The following ABCE1 variants were observed in gnomAD, a reference collection of about 807,000 sequenced individuals.
The protein encoded by ABCE1 is ATP binding cassette subfamily E member 1.
Under a neutral mutation model 83.4 loss-of-function variants are expected in ABCE1, and 22 were observed. The ratio of observed to expected loss-of-function variants is 0.26; its 90% CI spans 0.19 to 0.38. ABCE1 has a LOEUF of 0.38. ABCE1 is among the 10% of genes least tolerant of loss of function. ABCE1 has a pLI of 1.00. For synonymous variants in ABCE1, 204 were observed against 233.7 expected (o/e 0.87, Z 1.16); for missense variants, 330 against 721.9 (o/e 0.46, Z 6.22).
rs1579226747 is a variant in ABCE1 at position 145,127,686 on chromosome 4, G to A, written c.*113G>A. On this transcript the variant is annotated 3_prime_UTR_variant, in exon 18 of 18. Coordinates refer to ENST00000296577, the MANE Select transcript of ABCE1 (RefSeq NM_002940.3). ...TGCCCCACATACTCTGGAACTTGAA[G>A]TATAATATACTTAATATAACATAAA... 2 of 756,838 alleles carry A rather than the reference G, an allele frequency of 2.6e-6. No individual in the cohort carries two copies. Among genetic ancestry groups the A allele is most frequent in the Non-Finnish European group, 2.0e-6 (1 of 493,456 alleles). 46.9% of individuals were successfully genotyped at this position (756,838 alleles called of 1,614,324 possible). A position where few individuals can be genotyped will look rare whatever the true frequency, so the allele number is the denominator to read the frequency against.
At chr4:145,123,647 C>A in intron 16 of ABCE1, 47 bp downstream of exon 16, 9 of 1,507,692 alleles carry the variant, frequency 6.0e-6, no homozygotes, top group South Asian at 2.5e-5. Flanking sequence ...TTTAAATTTT[C>A]CAGTAAATAG....
intron 10 of ABCE1, among the ~76,000 whole-genome samples, chr4:145,117,824 A>G (rs1422608835): frequency 2.0e-5 from 3 of 151,824 alleles, no homozygotes; most frequent in Admixed American, 6.6e-5. Flanking sequence ...TAATATGTAT[A>G]CTATGTTTTT....
At chr4:145,119,146 G>C (rs1749677948) in intron 10 of ABCE1, among the ~76,000 whole-genome samples, 1 of 151,790 alleles carries the variant, frequency 6.6e-6, no homozygotes, top group African/African-American at 2.4e-5. Context: ...CTAGGATGAG[G>C]ATACAGGCTG....
At chr4:145,103,932 TTTTG>T (rs1475820370) in intron 1 of ABCE1, among the ~76,000 whole-genome samples, 1 of 152,046 alleles carries the variant, frequency 6.6e-6, no homozygotes, top group East Asian at 1.9e-4. Context: ...TCTGGGGTTC[TTTTG>T]TTTGTTTTTT....
chr4:145,104,993 T>G (rs940747747), intron 2 of ABCE1, among the ~76,000 whole-genome samples: 1 of 152,052 alleles, frequency 6.6e-6, no homozygotes, highest in Non-Finnish European at 1.5e-5. Context: ...GTTGAAAAAT[T>G]ATTGGTAGTC....
intron 1 of ABCE1, among the ~76,000 whole-genome samples, chr4:145,099,165 G>T (rs1251522399): frequency 2.0e-5 from 3 of 152,054 alleles, no homozygotes; most frequent in Non-Finnish European, 4.4e-5. Flanking sequence ...ATCTCTTCAG[G>T]GCTTCGTACA....
intron 10 of ABCE1, among the ~76,000 whole-genome samples, chr4:145,118,117 C>T (rs1296004383): frequency 6.6e-6 from 1 of 151,372 alleles, no homozygotes; most frequent in African/African-American, 2.4e-5. Flanking sequence ...TTTTTCTCTC[C>T]ACCTGTCTTA....
At chr4:145,121,254 T>G in intron 12 of ABCE1, 21 bp downstream of exon 12, 1 of 1,613,422 alleles carries the variant, frequency 6.2e-7, no homozygotes, top group South Asian at 1.1e-5. Flanking sequence ...AACTGTTGAG[T>G]CTTTTTACTC....
intron 2 of ABCE1, among the ~76,000 whole-genome samples, chr4:145,105,103 A>G (rs1349242092): frequency 6.6e-6 from 1 of 152,030 alleles, no homozygotes; most frequent in Non-Finnish European, 1.5e-5. Flanking sequence ...GTCATCTGTT[A>G]TTGTCTCCTT....
In ABCE1 at chr4:145,117,425, A is replaced by G. The variant is rs936579489; in HGVS notation, c.922+11A>G. 8 of 1,608,390 alleles carry G rather than the reference A, an allele frequency of 5.0e-6. No individual in the cohort carries two copies. In the African/African-American group the frequency reaches 1.1e-4, roughly 22 times the overall value. On this transcript the variant is annotated intron_variant, in intron 10 of 17. Coordinates refer to ENST00000296577, the MANE Select transcript of ABCE1 (RefSeq NM_002940.3). ...TTAGTGTAAGAGAAGGTAACTTGAA[A>G]AACTTTTTTCACATATGCTGTATTC...
chr4:145,114,584 A>C (rs959520865), intron 9 of ABCE1, among the ~76,000 whole-genome samples: 3 of 152,054 alleles, frequency 2.0e-5, no homozygotes, highest in Non-Finnish European at 4.4e-5. Flanking sequence ...ATAACGAATA[A>C]ATTTAAAATT....
chr4:145,099,710 A>G (rs1270211265), intron 1 of ABCE1, among the ~76,000 whole-genome samples: 2 of 152,236 alleles, frequency 1.3e-5, no homozygotes, highest in African/African-American at 4.8e-5. Flanking sequence ...ATAAACTACA[A>G]TAAGCATGGG....
Position 145,109,174 on chromosome 4 carries a change from A to T in ABCE1, c.330A>T (p.Gly110=), listed in dbSNP as rs139255095. The T allele has an allele frequency of 8.8e-4, 1,427 of 1,613,022 alleles. 9 individuals carry two copies. In the African/African-American group the frequency reaches 0.014, roughly 16 times the overall value. Residue 110 remains glycine (G), a synonymous_variant, in exon 5 of 18, where the codon GGA becomes GGT. Transcript: ENST00000296577. The part of the protein sequence containing the change: ...PRPGEVLGLV[G]TNGIGKSTAL... Reference sequence around the variant, plus strand: ...CAGGTGAAGTTTTGGGATTAGTTGGAACTAATGGTATTGGAAAGTCAACTG... The same window carrying T: ...CAGGTGAAGTTTTGGGATTAGTTGGTACTAATGGTATTGGAAAGTCAACTG...
chr4:145,115,012 G>A (rs1029754005), intron 9 of ABCE1, among the ~76,000 whole-genome samples: 56 of 152,064 alleles, frequency 3.7e-4, no homozygotes, highest in African/African-American at 1.2e-3. Context: ...CAAAAGAATA[G>A]AGATTTAAGA....
At position 145,104,503 on chromosome 4, in the gene ABCE1, G is replaced by A; in HGVS notation, c.91G>A (p.Val31Ile). The change falls in exon 2 of 18, where the codon GTA becomes ATA. Residue 31 changes from valine (V) to isoleucine (I), a missense_variant. By Grantham distance (29) the Val-to-Ile change is conservative (BLOSUM62 3). Coordinates refer to ENST00000296577, the MANE Select transcript of ABCE1 (RefSeq NM_002940.3). ...CRQECKKSCP[V>I]VRMGKLCIEV... ...ACAGGAATGCAAAAAGAGTTGTCCT[G>A]TAGTTCGAATGGGTAAGCTGTTCTG... is the stretch of plus-strand genomic sequence containing the variant. The A allele has an allele frequency of 6.3e-7, 1 of 1,592,848 alleles. No homozygotes were observed. The highest frequency in any genetic ancestry group is 8.6e-7 in the Non-Finnish European group (1 of 1,169,434).
At chr4:145,112,530 G>A (rs1267508889) in intron 9 of ABCE1, among the ~76,000 whole-genome samples, 4 of 152,106 alleles carry the variant, frequency 2.6e-5, no homozygotes, top group African/African-American at 9.7e-5. Flanking sequence ...CGCTTCCAGG[G>A]AGCTTAGGAA....
chr4:145,120,912 A>G (rs1311898105), intron 11 of ABCE1: 1 of 382,664 alleles, frequency 2.6e-6, no homozygotes, highest in African/African-American at 2.0e-5. Flanking sequence ...AAACTATTGC[A>G]GGATTTAAAC....
chr4:145,099,202 A>G (rs1169816173), intron 1 of ABCE1, among the ~76,000 whole-genome samples: 2 of 152,230 alleles, frequency 1.3e-5, no homozygotes, highest in Non-Finnish European at 2.9e-5. Context: ...CGTATTGTGA[A>G]TGAATGACAG....
chr4:145,117,303 G>A lies in ABCE1; in HGVS notation c.811G>A (p.Val271Met). ...SLINPDRYII[V>M]VEHDLSVLDY... The stretch of plus-strand genomic sequence containing the variant: ...TGGTTTGATTTTCAGATATATCATT[G>A]TGGTGGAACATGATCTAAGTGTATT... Residue 271 changes from valine (V) to methionine (M), a missense_variant, in exon 10 of 18, where the codon GTG becomes ATG. Coordinates refer to ENST00000296577, the MANE Select transcript of ABCE1 (RefSeq NM_002940.3). 1 of 1,602,644 alleles carries A rather than the reference G, an allele frequency of 6.2e-7. No individual in the cohort carries two copies. Among genetic ancestry groups the A allele is most frequent in the Non-Finnish European group, 8.5e-7 (1 of 1,174,202 alleles).
Sources: gnomAD v4.1 joint callset for allele counts (sites outside exome capture counted in the v4.1 genomes callset) on GRCh38, gnomAD v4.1.1 for gene constraint, MANE v1.5 for transcripts, NCBI Gene and HGNC (gene_info 2026-07-23, HGNC 2026-07-21) for gene names.